The following GNAZ variants were observed in gnomAD, a reference collection of about 807,000 sequenced individuals.
GNAZ encodes the protein G protein subunit alpha z.
GNAZ carries 3 observed loss-of-function variants against 25.4 expected under a neutral mutation model. The observed-to-expected ratio is 0.12, with a 90% CI of 0.05 to 0.30. The LOEUF (loss-of-function observed/expected upper bound fraction) is 0.30. GNAZ is among the 10% of genes least tolerant of loss of function. The pLI is 1.00. For missense variants in GNAZ, 241 were observed against 501.8 expected (o/e 0.48, Z 4.97); for synonymous variants, 211 against 205.7 (o/e 1.03, Z -0.22).
At chr22:23,111,859 C>A (rs539245047) in intron 2 of GNAZ, among the ~76,000 whole-genome samples, 96 of 152,170 alleles carry the variant, frequency 6.3e-4, no homozygotes, top group Non-Finnish European at 1.1e-3. Context: ...TGGCAGTGGG[C>A]AGTGGGCTGT....
chr22:23,072,402 T>G (rs2068402250), intron 1 of GNAZ, among the ~76,000 whole-genome samples: 1 of 152,180 alleles, frequency 6.6e-6, no homozygotes, highest in African/African-American at 2.4e-5. Flanking sequence ...GGTTTAAAAG[T>G]CTTCCTGTGT....
chr22:23,082,080 G>A (rs541425078), intron 1 of GNAZ, among the ~76,000 whole-genome samples: 33 of 148,288 alleles, frequency 2.2e-4, no homozygotes, highest in Non-Finnish European at 3.4e-4. Flanking sequence ...AGCCGAGATC[G>A]TGCCGCTGCA....
chr22:23,082,131 A>G (rs1011358181), intron 1 of GNAZ, among the ~76,000 whole-genome samples: 1 of 120,208 alleles, frequency 8.3e-6, no homozygotes, highest in Non-Finnish European at 1.6e-5. Flanking sequence ...CCTCAAAAAA[A>G]AAACAAAAAA....
rs146565039 is a variant in GNAZ at position 23,094,018 on chromosome 22, G to A, written c.-449-1229G>A. 2.2e-3 allele frequency among the ~76,000 whole-genome samples: 335 copies of A among 152,298 alleles called. 4 individuals are homozygous for A. Among genetic ancestry groups the A allele is most frequent in the African/African-American group, 6.6e-3 (274 of 41,546 alleles). On this transcript the variant is annotated intron_variant, in intron 1 of 2. Coordinates refer to ENST00000615612, the MANE Select transcript of GNAZ (RefSeq NM_002073.4). Reference sequence around the variant, plus strand: ...GGAGGATGAAGTGCCATTTGCTGAGGGTTTAGCAGGTTGAGTTTCAGATGC... The same window carrying A: ...GGAGGATGAAGTGCCATTTGCTGAGAGTTTAGCAGGTTGAGTTTCAGATGC...
chr22:23,075,269 A>G (rs926041376), intron 1 of GNAZ, among the ~76,000 whole-genome samples: 3 of 152,124 alleles, frequency 2.0e-5, no homozygotes, highest in African/African-American at 7.2e-5. Flanking sequence ...AGTCAGTCAC[A>G]CCCAGCCTGT....
chr22:23,074,469 T>C (rs189462255), intron 1 of GNAZ, among the ~76,000 whole-genome samples: 3 of 151,156 alleles, frequency 2.0e-5, no homozygotes, highest in Admixed American at 2.0e-4. Context: ...TCTGGAGAGG[T>C]GGGGAATTAG....
intron 1 of GNAZ, among the ~76,000 whole-genome samples, chr22:23,084,505 A>G (rs2068764204): frequency 6.6e-6 from 1 of 152,208 alleles, no homozygotes; most frequent in Non-Finnish European, 1.5e-5. Flanking sequence ...GTCAAGGAGC[A>G]TCTGTAGGTG....
At chr22:23,085,358 C>T (rs1297695126) in intron 1 of GNAZ, among the ~76,000 whole-genome samples, 2 of 152,176 alleles carry the variant, frequency 1.3e-5, no homozygotes, top group Non-Finnish European at 2.9e-5. Flanking sequence ...CACCATGTCC[C>T]CCTGTCCCCA....
intron 2 of GNAZ, among the ~76,000 whole-genome samples, chr22:23,115,549 G>A (rs1047509918): frequency 1.3e-5 from 2 of 152,148 alleles, no homozygotes; most frequent in Non-Finnish European, 2.9e-5. Flanking sequence ...GAGCGAGGAG[G>A]AGGCCCAGAA....
chr22:23,108,658 A>G (rs990984479), intron 2 of GNAZ, among the ~76,000 whole-genome samples: 4 of 152,268 alleles, frequency 2.6e-5, no homozygotes, highest in Non-Finnish European at 5.9e-5. Flanking sequence ...ACTCAGAGCC[A>G]TAGCCCAAAA....
rs189353898 is a variant in GNAZ at position 23,075,275 on chromosome 22, C to G, written c.-450+4705C>G. On this transcript the variant is annotated intron_variant, in intron 1 of 2. Transcript: ENST00000615612. Reference sequence around the variant, plus strand: ...GGCCGCTGGAGTCAGTCACACCCAGCCTGTGAGCTTCACCTTGGCACCATG... The same window carrying G: ...GGCCGCTGGAGTCAGTCACACCCAGGCTGTGAGCTTCACCTTGGCACCATG... 2.5e-3 allele frequency among the ~76,000 whole-genome samples: 380 copies of G among 152,280 alleles called. 1 individual carries two copies. Among genetic ancestry groups the G allele is most frequent in the African/African-American group, 8.7e-3 (362 of 41,544 alleles).
intron 1 of GNAZ, among the ~76,000 whole-genome samples, chr22:23,093,910 G>A (rs531075730): frequency 1.3e-5 from 2 of 152,336 alleles, no homozygotes; most frequent in Admixed American, 6.5e-5. Context: ...CCCACCAGGG[G>A]CCTGCTTCAA....
At chr22:23,112,030 G>A (rs2069672289) in intron 2 of GNAZ, among the ~76,000 whole-genome samples, 1 of 152,180 alleles carries the variant, frequency 6.6e-6, no homozygotes, top group Non-Finnish European at 1.5e-5. Context: ...CAGCAAGACT[G>A]GAGCCTTGGG....
chr22:23,072,841 C>T lies in GNAZ; in HGVS notation c.-450+2271C>T, dbSNP rs2068413205. 2.6e-5 allele frequency among the ~76,000 whole-genome samples: 4 copies of T among 152,172 alleles called. No individual in the cohort carries two copies. The South Asian group carries it at 8.3e-4, about 32-fold the overall frequency. On this transcript the variant is annotated intron_variant, in intron 1 of 2. Coordinates refer to ENST00000615612, the MANE Select transcript of GNAZ (RefSeq NM_002073.4). ...GGAGGAACCTCAGAGACCTGGAGGC[C>T]CCACCAGAGTGGCCAGAACCTGGTG...
At chr22:23,092,025 G>C (rs1461102089) in intron 1 of GNAZ, among the ~76,000 whole-genome samples, 1 of 152,108 alleles carries the variant, frequency 6.6e-6, no homozygotes, top group Non-Finnish European at 1.5e-5. Flanking sequence ...CATTCCTCTG[G>C]TATTTCTAGC....
At chr22:23,072,078 A>AAG (rs1437159596) in intron 1 of GNAZ, among the ~76,000 whole-genome samples, 32 of 152,112 alleles carry the variant, frequency 2.1e-4, no homozygotes, top group Non-Finnish European at 4.3e-4. Context: ...GAGAAGAGCT[A>AAG]GCTTTAAAGA....
At chr22:23,078,309 A>C (rs2068563777) in intron 1 of GNAZ, among the ~76,000 whole-genome samples, 1 of 152,224 alleles carries the variant, frequency 6.6e-6, no homozygotes, top group Admixed American at 6.5e-5. Context: ...CATTTCCCTT[A>C]AACACTGGGC....
At chr22:23,094,189 G>A (rs923795305) in intron 1 of GNAZ, among the ~76,000 whole-genome samples, 3 of 152,136 alleles carry the variant, frequency 2.0e-5, no homozygotes, top group Non-Finnish European at 2.9e-5. Flanking sequence ...GGCTGCGTGG[G>A]TCTCCGGACA....
intron 1 of GNAZ, among the ~76,000 whole-genome samples, chr22:23,073,498 T>G (rs1021928640): frequency 6.6e-6 from 1 of 152,202 alleles, no homozygotes; most frequent in Non-Finnish European, 1.5e-5. Flanking sequence ...CCCACCATCC[T>G]AGGTCCAGCC....
Sources: allele counts gnomAD v4.1 joint callset (sites outside exome capture counted in the v4.1 genomes callset), GRCh38; gene constraint gnomAD v4.1.1; transcripts MANE v1.5; gene names NCBI Gene and HGNC (gene_info 2026-07-23, HGNC 2026-07-21).